STAB1: variants seen among roughly 807,000 people sequenced by gnomAD.
STAB1 encodes the protein stabilin 1, also known as stabilin-1.
In STAB1, 250 loss-of-function variants were observed where a neutral mutation model predicts 332.4. The observed-to-expected ratio is 0.75, with a 90% CI of 0.68 to 0.84. STAB1 has a LOEUF of 0.84. Among genes scored for constraint, STAB1 ranks in the 40% least tolerant of loss-of-function variants. STAB1 has a pLI of 0.00. For missense variants in STAB1, 3,249 were observed against 3,489.7 expected, an observed-to-expected ratio of 0.93 and a Z score of 1.74; for synonymous variants, 1,475 against 1,390.4, an observed-to-expected ratio of 1.06 and a Z score of -1.35.
Position 52,495,349 on chromosome 3 carries a change from G to A in STAB1, c.-65G>A, listed in dbSNP as rs1707925237. ...CCGCCCCGTCCCGCCTGCCTGTGCTGTGCCTGCCTCCTAGAGCTCATTCCC... is the reference window on the plus strand; with the variant it reads ...CCGCCCCGTCCCGCCTGCCTGTGCTATGCCTGCCTCCTAGAGCTCATTCCC... On this transcript the variant is annotated 5_prime_UTR_variant, in exon 1 of 69. In the 5' UTR this introduces an upstream ATG that the reference lacks. Coordinates refer to ENST00000321725, the MANE Select transcript of STAB1 (RefSeq NM_015136.3). The A allele has an allele frequency of 1.6e-6, 2 of 1,227,464 alleles. No homozygotes were observed. The highest frequency in any genetic ancestry group is 3.7e-5 in the South Asian group (1 of 26,810). 76.0% of individuals were successfully genotyped at this position (1,227,464 alleles called of 1,614,324 possible).
At chr3:52,515,345 ATCTG>A (rs2078825047) in intron 36 of STAB1, 74 bp from the exon 37 acceptor site, 1 of 1,388,548 alleles carries the variant, frequency 7.2e-7, no homozygotes, top group Non-Finnish European at 1.0e-6. Context: ...CCTGTAGTCC[ATCTG>A]TCTGTCTCCC....
Position 52,522,137 on chromosome 3 carries a change from G to C in STAB1, c.6372G>C (p.Glu2124Asp). ...MVTCTCLPDY[E>D]GDGWSCRARN... ...CTTGTACCTGCCTGCCCGACTACGA[G>C]GGTGATGGCTGGAGCTGCCGGGCCC... The change falls in exon 59 of 69, where the codon GAG becomes GAC. Residue 2124 changes from glutamate to aspartate, a missense_variant. Physicochemically the swap from Glu to Asp is conservative, Grantham distance 45. Transcript: ENST00000321725. 1 of 1,613,030 alleles carries C rather than the reference G, an allele frequency of 6.2e-7. No homozygotes were observed. The highest frequency in any genetic ancestry group is 8.5e-7 in the Non-Finnish European group (1 of 1,180,018).
In STAB1 at chr3:52,517,049, C is replaced by A. The variant is rs767834125; in HGVS notation, c.4429C>A (p.Pro1477Thr). 2.1e-5 allele frequency: 33 copies of A among 1,604,286 alleles called. No homozygotes were observed. Among genetic ancestry groups the A allele is most frequent in the Non-Finnish European group, 2.7e-5 (32 of 1,175,328 alleles). ...SPHANCTKVA[P>T]GQRTCTCQDG... ...TCATGCCAACTGTACCAAGGTGGCA[C>A]CTGGGCAGCGGACATGCACCTGCCA... Residue 1477 changes from proline (P) to threonine (T), a missense_variant, in exon 42 of 69, where the codon CCT becomes ACT. By Grantham distance (38) the Pro-to-Thr change is conservative (BLOSUM62 -1). Coordinates refer to ENST00000321725, the MANE Select transcript of STAB1 (RefSeq NM_015136.3).
chr3:52,501,654 G>C lies in STAB1; in HGVS notation c.232G>C (p.Gly78Arg), dbSNP rs1477877975. 3 of 1,568,004 alleles carry C rather than the reference G, an allele frequency of 1.9e-6. No individual in the cohort carries two copies. The highest frequency in any genetic ancestry group is 2.6e-6 in the Non-Finnish European group (3 of 1,157,324). The change falls in exon 3 of 69, where the codon GGG becomes CGG. Residue 78 changes from glycine to arginine, a missense_variant. Physicochemically the swap from Gly to Arg is moderately radical, Grantham distance 125. Transcript: ENST00000321725. ...TGCCCCCAGCTACGAAGTACAGCTG[G>C]GGGGCTCTATGGTGTCCATGAGCGG... is the stretch of plus-strand genomic sequence containing the variant. ...TQDCRYEVQL[G>R]GSMVSMSGCR...
At chr3:52,515,558 G>C (rs1238776654) in intron 37 of STAB1, 52 bp downstream of exon 37, 11 of 1,595,826 alleles carry the variant, frequency 6.9e-6, no homozygotes, top group Non-Finnish European at 9.4e-6. Flanking sequence ...GGAGGTGGGA[G>C]TGGGTGGGGG....
At chr3:52,511,598 A>G in intron 25 of STAB1, 52 bp from the exon 26 acceptor site, 1 of 1,517,256 alleles carries the variant, frequency 6.6e-7, no homozygotes, top group South Asian at 1.2e-5. Context: ...TGGAGGAAGA[A>G]AGGGTTGGAT....
Position 52,505,127 on chromosome 3 carries a change from C to G in STAB1, c.1502C>G (p.Thr501Ser). Reference sequence around the variant, plus strand: ...CTGCGGTGGCAGGCCCCCTCTGGGACCCCTGGGGATCCCAAGGTGAGCCAG... The same window carrying G: ...CTGCGGTGGCAGGCCCCCTCTGGGAGCCCTGGGGATCCCAAGGTGAGCCAG... ...TGLRWQAPSGTPGDPKRTIGQ... is the reference protein window; with the variant it reads ...TGLRWQAPSGSPGDPKRTIGQ... Residue 501 changes from threonine to serine, a missense_variant, in exon 13 of 69, where the codon ACC becomes AGC. Thr to Ser is a moderately conservative substitution (Grantham distance 58, BLOSUM62 1). Transcript: ENST00000321725. The G allele has an allele frequency of 6.2e-7, 1 of 1,613,070 alleles. No homozygotes were observed. Among genetic ancestry groups the G allele is most frequent in the Non-Finnish European group, 8.5e-7 (1 of 1,179,862 alleles).
chr3:52,511,859 A>C, intron 26 of STAB1, 114 bp downstream of exon 26: 2 of 841,382 alleles, frequency 2.4e-6, no homozygotes, highest in Non-Finnish European at 3.6e-6. Context: ...CTCAGGATTA[A>C]GATCTTTCTA....
In STAB1 at chr3:52,520,205, C is replaced by T; in HGVS notation, c.5414C>T (p.Ala1805Val). ...LRGHMIRNVEALASDLPNLGP... is the reference protein window; with the variant it reads ...LRGHMIRNVEVLASDLPNLGP... ...CCAACCATGACTCCACTTGCTCAGG[C>T]CTTGGCATCTGACCTGCCCAACCTG... Residue 1805 changes from alanine to valine, a missense_variant and splice_region_variant, in exon 52 of 69, where the codon GCC (alanine) becomes GTC (valine). By Grantham distance (64) the Ala-to-Val change is moderately conservative (BLOSUM62 0). Coordinates refer to ENST00000321725, the MANE Select transcript of STAB1 (RefSeq NM_015136.3). 17 of 1,613,190 alleles carry T rather than the reference C, an allele frequency of 1.1e-5. No homozygotes were observed. The highest frequency in any genetic ancestry group is 1.7e-5 in the Admixed American group (1 of 60,028).
chr3:52,517,551 T>C lies in STAB1; in HGVS notation c.4565T>C (p.Val1522Ala), dbSNP rs752609195. 1 of 1,612,462 alleles carries C rather than the reference T, an allele frequency of 6.2e-7. No individual in the cohort carries two copies. The highest frequency in any genetic ancestry group is 8.5e-7 in the Non-Finnish European group (1 of 1,179,770). The change falls in exon 44 of 69, where the codon GTC becomes GCC. Residue 1522 changes from valine (V) to alanine (A), a missense_variant and splice_region_variant. By Grantham distance (64) the Val-to-Ala change is moderately conservative. Transcript: ENST00000321725. ...CCCACTGATCAAGACTGGGGACAGGTCTCCTGCAGCTGCCGTGAGGGTTAC... is the reference window on the plus strand; with the variant it reads ...CCCACTGATCAAGACTGGGGACAGGCCTCCTGCAGCTGCCGTGAGGGTTAC... ...AECIPTGPQQ[V>A]SCSCREGYSG... is the part of the protein sequence containing the mutation.
At position 52,503,825 on chromosome 3, in the gene STAB1, G is replaced by A. The variant is rs773008573; in HGVS notation, c.945G>A (p.Ala315=). Residue 315 remains alanine (A), a synonymous_variant, in exon 9 of 69, where the codon GCG becomes GCA. Coordinates refer to ENST00000321725, the MANE Select transcript of STAB1 (RefSeq NM_015136.3). ...GLVSINSNAS[A]GCFAFCSPFS... is the part of the protein sequence containing the mutation. Reference sequence around the variant, plus strand: ...TCAGCATCAACAGCAACGCTTCTGCGGGCTGCTTCGCCTTCTGCTCCCCCT... The same window carrying A: ...TCAGCATCAACAGCAACGCTTCTGCAGGCTGCTTCGCCTTCTGCTCCCCCT... The A allele has an allele frequency of 2.4e-5, 38 of 1,613,114 alleles. No homozygotes were observed. Among genetic ancestry groups the A allele is most frequent in the Non-Finnish European group, 3.1e-5 (37 of 1,180,024 alleles).
Position 52,523,205 on chromosome 3 carries a change from T to A in STAB1, c.7021-17T>A. ...AGGAGGGAGCCTGCTCATAGTTCTG[T>A]CTTTCCACCGTGCCAGATGCTATTG... On this transcript the variant is annotated splice_polypyrimidine_tract_variant and intron_variant, in intron 63 of 68. Transcript: ENST00000321725. 6.2e-7 allele frequency: 1 copy of A among 1,612,900 alleles called. No homozygotes were observed. The highest frequency in any genetic ancestry group is 2.2e-5 in the East Asian group (1 of 44,882).
At position 52,503,911 on chromosome 3, in the gene STAB1, A is replaced by T; in HGVS notation, c.1022+9A>T. Reference sequence around the variant, plus strand: ...GCTGATGGGAAGACCAGGTGAGCACAGGTGCCTGGGAGCAGAGACAGTGGG... The same window carrying T: ...GCTGATGGGAAGACCAGGTGAGCACTGGTGCCTGGGAGCAGAGACAGTGGG... On this transcript the variant is annotated intron_variant, in intron 9 of 68. Transcript: ENST00000321725. The T allele has an allele frequency of 6.2e-7, 1 of 1,610,888 alleles. No individual in the cohort carries two copies. The highest frequency in any genetic ancestry group is 8.5e-7 in the Non-Finnish European group (1 of 1,178,528).
chr3:52,518,945 G>A (rs1198601311), intron 48 of STAB1, 76 bp downstream of exon 48: 20 of 747,006 alleles, frequency 2.7e-5, no homozygotes, highest in Non-Finnish European at 2.1e-5. Flanking sequence ...CAGGCCCCAC[G>A]GCCCACGCAG....
intron 25 of STAB1, 133 bp downstream of exon 25, chr3:52,510,640 C>A: frequency 8.4e-7 from 1 of 1,195,428 alleles, no homozygotes; most frequent in Non-Finnish European, 1.1e-6. Context: ...CCAGTGCTGA[C>A]ATGCTGAGTA....
At position 52,505,946 on chromosome 3, in the gene STAB1, C is replaced by A. The variant is rs1464051671; in HGVS notation, c.1749+10C>A. The A allele has an allele frequency of 6.2e-7, 1 of 1,613,428 alleles. No homozygotes were observed. On this transcript the variant is annotated intron_variant, in intron 16 of 68. Coordinates refer to ENST00000321725, the MANE Select transcript of STAB1 (RefSeq NM_015136.3). ...CTACAACCACGGCCAGGTGCGAGGT[C>A]TTTTTCTGGGGGGCGGCCAGCTTGT...
chr3:52,511,802 G>A (rs931260553), intron 26 of STAB1, 57 bp downstream of exon 26: 7 of 1,370,952 alleles, frequency 5.1e-6, no homozygotes, highest in East Asian at 2.6e-5. Flanking sequence ...AGCCTGGGCT[G>A]CAGCTCTCTC....
intron 33 of STAB1, 46 bp downstream of exon 33, chr3:52,514,259 G>GGGCAAAGGCATAA: frequency 6.2e-7 from 1 of 1,607,892 alleles, no homozygotes; most frequent in East Asian, 2.2e-5. Context: ...CAAAGGCATA[G>GGGCAAAGGCATAA]AGGGCGAGCC....
chr3:52,510,367 T>A lies in STAB1; in HGVS notation c.2647T>A (p.Ser883Thr). 1 of 1,613,906 alleles carries A rather than the reference T, an allele frequency of 6.2e-7. No homozygotes were observed. Among genetic ancestry groups the A allele is most frequent in the African/African-American group, 1.3e-5 (1 of 75,022 alleles). ...CTCACAGGCTGAGTGTGTCCCTGGGTCCCTGGGCACCCACCACTGCACATG... is the reference window on the plus strand; with the variant it reads ...CTCACAGGCTGAGTGTGTCCCTGGGACCCTGGGCACCCACCACTGCACATG... ...CSENAECVPG[S>T]LGTHHCTCHK... The change falls in exon 25 of 69, where the codon TCC (serine) becomes ACC (threonine). Residue 883 changes from serine (S) to threonine (T), a missense_variant. Ser to Thr is a moderately conservative substitution (Grantham distance 58). Transcript: ENST00000321725.
Sources: gnomAD v4.1 joint callset for allele counts on GRCh38, gnomAD v4.1.1 for gene constraint, MANE v1.5 for transcripts, NCBI Gene and HGNC (gene_info 2026-07-23, HGNC 2026-07-21) for gene names.